Variants in ZNF678 observed in about 807,000 individuals in gnomAD.
The protein encoded by ZNF678 is zinc finger protein 678, also known as hypothetical protein MGC42493.
ZNF678 carries 5 observed loss-of-function variants against 3.0 expected under a neutral mutation model. The ratio of observed to expected loss-of-function variants is 1.69; its 90% confidence interval spans 0.88 to 3.56. The LOEUF is 3.56. Ranked by LOEUF, ZNF678 falls within the 30% of genes most tolerant of loss-of-function variation. The pLI, the probability that ZNF678 is intolerant of heterozygous loss-of-function variation, is 0.00. For synonymous variants in ZNF678, 218 were observed against 199.6 expected (o/e 1.09, Z -0.78); for missense variants, 593 against 605.0 (o/e 0.98, Z 0.21).
At chr1:227,666,741 C>CTT (rs1182440018), downstream of ZNF678, among the ~76,000 whole-genome samples, 1,137 of 115,116 alleles carry the variant, frequency 9.9e-3, 29 homozygotes, top group African/African-American at 0.035. Context: ...TTCTTTCTTG[C>CTT]TTTTTTTTTT....
intron 1 of ZNF678, among the ~76,000 whole-genome samples, chr1:227,588,434 T>G (rs1156238697): frequency 1.3e-5 from 2 of 151,932 alleles, no homozygotes; most frequent in African/African-American, 4.8e-5. Context: ...GTTGAACTAA[T>G]TACACTCCCA....
At position 227,618,083 on chromosome 1, in the gene ZNF678, T is replaced by TAG. The variant is rs146988563; in HGVS notation, c.-163-28460_-163-28459insGA. On this transcript the variant is annotated intron_variant, in intron 1 of 3. Transcript: ENST00000343776. ...AGAGAACAACACTTCGCCCCTAATA[T>TAG]AACTCCATTCCACAGGATGATAGCC... is the stretch of plus-strand genomic sequence containing the variant. Among the ~76,000 whole-genome samples, 612 of 152,266 alleles carry TAG rather than the reference T, an allele frequency of 4.0e-3. 5 individuals carry two copies. The highest frequency in any genetic ancestry group is 0.014 in the African/African-American group (564 of 41,548).
intron 1 of ZNF678, among the ~76,000 whole-genome samples, chr1:227,590,458 A>G (rs1417309705): frequency 1.3e-5 from 2 of 151,948 alleles, no homozygotes; most frequent in African/African-American, 2.4e-5. Context: ...GACAGCAACT[A>G]CATGATTTGG....
chr1:227,631,471 GGT>G (rs1658545804), intron 1 of ZNF678, among the ~76,000 whole-genome samples: 1 of 152,160 alleles, frequency 6.6e-6, no homozygotes, highest in Non-Finnish European at 1.5e-5. Flanking sequence ...GCCCCATCAA[GGT>G]GCATTCCCAT....
At chr1:227,636,985 G>A (rs1052118346) in intron 1 of ZNF678, among the ~76,000 whole-genome samples, 17 of 152,320 alleles carry the variant, frequency 1.1e-4, no homozygotes, top group African/African-American at 3.1e-4. Flanking sequence ...AAGTGAGGGC[G>A]ATGAGTTCAG....
At chr1:227,624,140 A>G (rs1000610359) in intron 1 of ZNF678, among the ~76,000 whole-genome samples, 7 of 152,364 alleles carry the variant, frequency 4.6e-5, no homozygotes, top group South Asian at 2.1e-4. Flanking sequence ...TGTTTGGACA[A>G]TGCTCTTTCT....
chr1:227,565,267 T>G (rs1004378070), intron 1 of ZNF678, among the ~76,000 whole-genome samples: 7 of 151,848 alleles, frequency 4.6e-5, no homozygotes, highest in Admixed American at 4.6e-4. Flanking sequence ...GGTTTCACCA[T>G]GTTGGCCAGG....
At chr1:227,586,435 A>ATC (rs1571866628) in intron 1 of ZNF678, among the ~76,000 whole-genome samples, 1 of 152,218 alleles carries the variant, frequency 6.6e-6, no homozygotes, top group Admixed American at 6.5e-5. Flanking sequence ...ATATATCACT[A>ATC]AACAAATAGG....
intron 1 of ZNF678, among the ~76,000 whole-genome samples, chr1:227,626,017 G>A (rs1658404269): frequency 1.3e-5 from 2 of 152,144 alleles, no homozygotes; most frequent in African/African-American, 4.8e-5. Flanking sequence ...ATACGATGGG[G>A]CATCAATATT....
intron 1 of ZNF678, among the ~76,000 whole-genome samples, chr1:227,569,622 T>G (rs1194631402): frequency 1.3e-5 from 2 of 152,212 alleles, no homozygotes; most frequent in Non-Finnish European, 2.9e-5. Context: ...TAAACAAAAC[T>G]GATATTTGTA....
chr1:227,676,363 C>G (rs2102823334), intron 5 of ZNF678, among the ~76,000 whole-genome samples: 1 of 152,242 alleles, frequency 6.6e-6, no homozygotes, highest in Non-Finnish European at 1.5e-5. Context: ...GATTTCAAAT[C>G]CCAGAAACAT....
At chr1:227,619,454 A>G (rs1274762426) in intron 1 of ZNF678, among the ~76,000 whole-genome samples, 1 of 152,026 alleles carries the variant, frequency 6.6e-6, no homozygotes, top group Non-Finnish European at 1.5e-5. Flanking sequence ...CCTCGAACTT[A>G]TGGAGTCTGT....
At chr1:227,674,589 T>C (rs1312907496) in intron 5 of ZNF678, among the ~76,000 whole-genome samples, 1 of 149,632 alleles carries the variant, frequency 6.7e-6, no homozygotes, top group Non-Finnish European at 1.5e-5. Flanking sequence ...TTAAATATAA[T>C]TTTTCTTTTT....
chr1:227,593,638 A>T (rs1571872232), intron 1 of ZNF678, among the ~76,000 whole-genome samples: 1 of 152,228 alleles, frequency 6.6e-6, no homozygotes, highest in East Asian at 1.9e-4. Context: ...TCCACAGGGT[A>T]TAACAAGGCA....
At chr1:227,642,887 A>G (rs987549604) in intron 1 of ZNF678, among the ~76,000 whole-genome samples, 2 of 152,140 alleles carry the variant, frequency 1.3e-5, no homozygotes, top group African/African-American at 4.8e-5. Flanking sequence ...CCAAGAGGAG[A>G]TCTGGAGATG....
intron 1 of ZNF678, among the ~76,000 whole-genome samples, chr1:227,600,544 A>G (rs1657711874): frequency 6.6e-6 from 1 of 152,196 alleles, no homozygotes; most frequent in Non-Finnish European, 1.5e-5. Flanking sequence ...CTAATCAGTT[A>G]TGTTGAGCTT....
chr1:227,596,438 A>G (rs564007683), intron 1 of ZNF678, among the ~76,000 whole-genome samples: 1 of 152,320 alleles, frequency 6.6e-6, no homozygotes, highest in Admixed American at 6.5e-5. Flanking sequence ...GAAACAGAAC[A>G]GGACAGGGAT....
At chr1:227,646,314 ATAC>A (rs1045819785) in intron 1 of ZNF678, among the ~76,000 whole-genome samples, 124 of 152,018 alleles carry the variant, frequency 8.2e-4, no homozygotes, top group African/African-American at 2.8e-3. Flanking sequence ...CCTTAGTTTT[ATAC>A]TACAACACTT....
At chr1:227,632,278 C>G (rs1658565712) in intron 1 of ZNF678, among the ~76,000 whole-genome samples, 1 of 152,092 alleles carries the variant, frequency 6.6e-6, no homozygotes, top group Non-Finnish European at 1.5e-5. Flanking sequence ...TGCTCTAATA[C>G]TTGGGAGAGG....
Sources: allele counts gnomAD v4.1 joint callset (sites outside exome capture counted in the v4.1 genomes callset), GRCh38; gene constraint gnomAD v4.1.1; transcripts MANE v1.5; gene names NCBI Gene and HGNC (gene_info 2026-07-23, HGNC 2026-07-21).